CAST: variants seen among roughly 807,000 people sequenced by gnomAD.
CAST encodes calpastatin, also known as MIR583 host.
In CAST, 76 loss-of-function variants were observed where a neutral mutation model predicts 119.6. The observed-to-expected ratio is 0.64, with a 90% confidence interval of 0.53 to 0.77. The LOEUF (loss-of-function observed/expected upper bound fraction) is 0.77. Among genes scored for constraint, CAST ranks in the 30% least tolerant of loss-of-function variants. The pLI, the probability that CAST is intolerant of heterozygous loss-of-function variation, is 0.00. For synonymous variants in CAST, 319 were observed against 331.6 expected, an observed-to-expected ratio of 0.96 and a Z score of 0.41; for missense variants, 953 against 946.5, an observed-to-expected ratio of 1.01 and a Z score of -0.09.
chr5:96,673,788 A>G (rs1750387958), intron 1 of CAST, among the ~76,000 whole-genome samples: 1 of 152,204 alleles, frequency 6.6e-6, no homozygotes, highest in African/African-American at 2.4e-5. Context: ...GGACTTTAAA[A>G]TGGTTCATTT....
the CAST span, among the ~76,000 whole-genome samples, chr5:96,321,907 C>A: frequency 6.6e-6 from 1 of 152,184 alleles, no homozygotes; most frequent in Non-Finnish European, 1.5e-5. Context: ...CTCCCTTCTC[C>A]AAGTAAACTG....
At chr5:96,200,557 G>A in the CAST span, among the ~76,000 whole-genome samples, 1 of 152,138 alleles carries the variant, frequency 6.6e-6, no homozygotes, top group Non-Finnish European at 1.5e-5. Flanking sequence ...GATAATGAGT[G>A]TAATGGGAGC....
At chr5:96,148,883 C>T in the CAST span, among the ~76,000 whole-genome samples, 7 of 152,300 alleles carry the variant, frequency 4.6e-5, no homozygotes, top group South Asian at 1.0e-3. Context: ...ACCTTGGTCA[C>T]GTCACTTAGC....
At chr5:96,764,391 A>G (rs1057243140) in intron 25 of CAST, among the ~76,000 whole-genome samples, 8 of 152,208 alleles carry the variant, frequency 5.3e-5, no homozygotes, top group Non-Finnish European at 1.2e-4. Flanking sequence ...GTTAGAGGAA[A>G]TAAGCTATCT....
intron 3 of CAST, chr5:96,696,146 T>C (rs1288585948): frequency 4.0e-6 from 1 of 252,462 alleles, no homozygotes; most frequent in Non-Finnish European, 7.7e-6. Context: ...GTTAAATAAA[T>C]ATTAATTATT....
chr5:96,241,711 C>T, the CAST span, among the ~76,000 whole-genome samples: 2 of 142,582 alleles, frequency 1.4e-5, no homozygotes, highest in Admixed American at 1.4e-4. Context: ...TTCTCGACAT[C>T]CTCTCCAGCA....
chr5:96,543,508 T>A (rs1234287365), intron 1 of CAST, among the ~76,000 whole-genome samples: 1 of 152,176 alleles, frequency 6.6e-6, no homozygotes, highest in South Asian at 2.1e-4. Context: ...GTAACGAACC[T>A]GCACATTCTG....
the CAST span, among the ~76,000 whole-genome samples, chr5:96,118,815 T>C: frequency 6.6e-6 from 1 of 151,596 alleles, no homozygotes; most frequent in Non-Finnish European, 1.5e-5. Flanking sequence ...TGTTTCAGCA[T>C]ACTTTTTTTT....
intron 1 of CAST, among the ~76,000 whole-genome samples, chr5:96,572,351 C>T (rs1336354366): frequency 2.0e-5 from 3 of 152,106 alleles, no homozygotes; most frequent in African/African-American, 7.2e-5. Context: ...CAGGCACACA[C>T]CACCACACCC....
At chr5:96,312,390 A>G in the CAST span, among the ~76,000 whole-genome samples, 1 of 151,982 alleles carries the variant, frequency 6.6e-6, no homozygotes, top group South Asian at 2.1e-4. Flanking sequence ...ATTTCTTGAG[A>G]CCCCCTGATT....
At chr5:96,585,808 G>A (rs1226761763) in intron 1 of CAST, among the ~76,000 whole-genome samples, 1 of 152,196 alleles carries the variant, frequency 6.6e-6, no homozygotes, top group Non-Finnish European at 1.5e-5. Flanking sequence ...TAATAGCCAA[G>A]CAATGGTTTT....
At chr5:96,079,167 C>T in the CAST span, 5 of 474,844 alleles carry the variant, frequency 1.1e-5, no homozygotes, top group African/African-American at 1.0e-4. Context: ...GAGGAAGGTC[C>T]CATTACTGCA....
chr5:96,313,058 A>G, the CAST span, among the ~76,000 whole-genome samples: 4 of 152,254 alleles, frequency 2.6e-5, no homozygotes, highest in South Asian at 8.3e-4. Flanking sequence ...TAGGATATAA[A>G]TTATTGCCAA....
the CAST span, chr5:95,961,463 T>C: frequency 7.8e-7 from 1 of 1,274,924 alleles, no homozygotes; most frequent in Non-Finnish European, 1.0e-6. Flanking sequence ...CTGCGGGCGC[T>C]GACGGTAGCA....
rs749678312 is a variant in CAST at position 96,757,655 on chromosome 5, G to T, written c.1833+1G>T. The T allele has an allele frequency of 1.0e-5, 16 of 1,567,560 alleles. No individual in the cohort carries two copies. Among genetic ancestry groups the T allele is most frequent in the South Asian group, 8.9e-5 (8 of 89,638 alleles). On this transcript the variant is annotated splice_donor_variant, in intron 24 of 31. Transcript: ENST00000675179. LOFTEE classifies it high-confidence loss of function. ...TGGTCCACAAAATGCTTCATCTCTTGTAAGTCCAAAACTCTTGGTTTTATT... is the reference window on the plus strand; with the variant it reads ...TGGTCCACAAAATGCTTCATCTCTTTTAAGTCCAAAACTCTTGGTTTTATT...
the CAST span, among the ~76,000 whole-genome samples, chr5:96,377,925 T>C: frequency 6.6e-6 from 1 of 152,068 alleles, no homozygotes; most frequent in African/African-American, 2.4e-5. Context: ...CATCAACCAA[T>C]GAATGAATAA....
rs373906040 is a variant in CAST at position 96,695,898 on chromosome 5, G to T, written c.201G>T (p.Ser67=). The change falls in exon 3 of 32, where the codon TCG becomes TCT. Residue 67 remains serine (S), a synonymous_variant. Coordinates refer to ENST00000675179, the MANE Select transcript of CAST (RefSeq NM_001750.7). ...SSRTYAGGTA[S]ATKVSASSGA... ...GAACCTATGCTGGTGGAACAGCCTCGGCCACCAAGGTCAGTGATTTCCTGA... is the reference window on the plus strand; with the variant it reads ...GAACCTATGCTGGTGGAACAGCCTCTGCCACCAAGGTCAGTGATTTCCTGA... 2 of 1,611,196 alleles carry T rather than the reference G, an allele frequency of 1.2e-6. No individual in the cohort carries two copies. Among genetic ancestry groups the T allele is most frequent in the South Asian group, 1.1e-5 (1 of 90,720 alleles).
the CAST span, among the ~76,000 whole-genome samples, chr5:96,230,821 G>A: frequency 6.6e-6 from 1 of 152,178 alleles, no homozygotes; most frequent in South Asian, 2.1e-4. Context: ...TTTTAAAAAA[G>A]GGGCAGATGA....
In CAST at chr5:96,675,528, CT is replaced by C. The variant is rs763376823; in HGVS notation, c.76-5del. 1 of 1,603,378 alleles carries C rather than the reference CT, an allele frequency of 6.2e-7. No individual in the cohort carries two copies. Among genetic ancestry groups the C allele is most frequent in the Non-Finnish European group, 8.5e-7 (1 of 1,171,256 alleles). On this transcript the variant is annotated splice_polypyrimidine_tract_variant and intron_variant, in intron 1 of 31. Transcript: ENST00000675179. ...TTCCTTTATTAAGCATTATTTTTTACTTTTTTATAGCATGTCAGTGAAAAAA... is the reference window on the plus strand; with the variant it reads ...TTCCTTTATTAAGCATTATTTTTTACTTTTTATAGCATGTCAGTGAAAAAA...
Sources: gnomAD v4.1 joint callset for allele counts (sites outside exome capture counted in the v4.1 genomes callset) on GRCh38, gnomAD v4.1.1 for gene constraint, MANE v1.5 for transcripts, NCBI Gene and HGNC (gene_info 2026-07-23, HGNC 2026-07-21) for gene names.